RBM38: variants seen among roughly 807,000 people sequenced by gnomAD.
RBM38 encodes the protein RNA-binding protein 38.
In RBM38, 11 loss-of-function variants were observed where a neutral mutation model predicts 23.5. The observed-to-expected ratio is 0.47, with a 90% CI of 0.29 to 0.77. The LOEUF (loss-of-function observed/expected upper bound fraction) is 0.77, where lower values mean the gene tolerates loss of function less well. Ranked by LOEUF, RBM38 falls within the 30% of genes least tolerant of loss-of-function variation. RBM38 has a pLI of 0.08. For synonymous variants in RBM38, 165 were observed against 166.1 expected, an observed-to-expected ratio of 0.99 and a Z score of 0.05; for missense variants, 330 against 351.9, an observed-to-expected ratio of 0.94 and a Z score of 0.50.
intron 3 of RBM38, among the ~76,000 whole-genome samples, chr20:57,401,739 G>A (rs1283138035): frequency 6.6e-6 from 1 of 152,250 alleles, no homozygotes. Flanking sequence ...AGGTCCTGTG[G>A]TGGGAAGGAG....
At chr20:57,406,874 G>A (rs2067390062) in intron 3 of RBM38, among the ~76,000 whole-genome samples, 1 of 152,002 alleles carries the variant, frequency 6.6e-6, no homozygotes, top group African/African-American at 2.4e-5. Context: ...GGCACCTGTA[G>A]TCCCAGCTAC....
rs2067404716 is a variant in RBM38, at chr20:57,407,895, C to T, written c.*49C>T. On this transcript the variant is annotated 3_prime_UTR_variant, in exon 4 of 4. Coordinates refer to ENST00000356208, the MANE Select transcript of RBM38 (RefSeq NM_017495.6). This position sits in a 1 kb window ranked among gnomAD's most constrained non-coding sequence, Gnocchi z 4.0. ...GTGGCATTGTCACCTTCACAGCAGA[C>T]AGAGCTGCCAGGCCATGATGGGCTG... 1 of 1,504,414 alleles carries T rather than the reference C, an allele frequency of 6.6e-7. No individual in the cohort carries two copies. The highest frequency in any genetic ancestry group is 8.9e-7 in the Non-Finnish European group (1 of 1,127,430). The allele number at this position is 1,504,414 out of a possible 1,614,324, so 93.2% of individuals were successfully genotyped here. A position where few individuals can be genotyped will look rare whatever the true frequency, so the allele number is the denominator to read the frequency against.
At chr20:57,396,779 A>G (rs548362048) in intron 3 of RBM38, among the ~76,000 whole-genome samples, 71 of 152,348 alleles carry the variant, frequency 4.7e-4, no homozygotes, top group African/African-American at 1.7e-3. Context: ...CATGAGGACC[A>G]GTATCTGTGA....
At chr20:57,391,950 C>G in intron 1 of RBM38, 132 bp downstream of exon 1, 3 of 522,018 alleles carry the variant, frequency 5.7e-6, no homozygotes, top group Non-Finnish European at 8.3e-6. Context: ...AGCCGGCGCC[C>G]GCACCTGCCG....
intron 3 of RBM38, among the ~76,000 whole-genome samples, chr20:57,399,160 C>T (rs1411369959): frequency 6.6e-6 from 1 of 152,218 alleles, no homozygotes; most frequent in Non-Finnish European, 1.5e-5. Context: ...GCCGGGGAGG[C>T]TCAGGGCCCG....
chr20:57,402,874 G>A (rs1020941357), intron 3 of RBM38, among the ~76,000 whole-genome samples: 1 of 152,260 alleles, frequency 6.6e-6, no homozygotes, highest in Non-Finnish European at 1.5e-5. Context: ...GCCGCCCGGC[G>A]TGGGCACCTG....
chr20:57,398,532 T>A (rs898784690), intron 3 of RBM38, among the ~76,000 whole-genome samples: 1 of 149,604 alleles, frequency 6.7e-6, no homozygotes, highest in Non-Finnish European at 1.5e-5. Flanking sequence ...GGGTGTCTCG[T>A]GGTGGCCCCG....
chr20:57,393,331 CG>C lies in RBM38; in HGVS notation c.416+1del. The C allele has an allele frequency of 6.2e-7, 1 of 1,613,746 alleles. No individual in the cohort carries two copies. The highest frequency in any genetic ancestry group is 1.1e-5 in the South Asian group (1 of 91,080). ...LHPTLIQRTY[G>X]LTPHYIYPPA... ...ACCCCACCTTGATCCAGCGGACTTACGGGTGAGTGGACATGGCTGGCTTGGG... is the reference window on the plus strand; with the variant it reads ...ACCCCACCTTGATCCAGCGGACTTACGGTGAGTGGACATGGCTGGCTTGGG... On this transcript the variant is annotated frameshift_variant and splice_region_variant, in exon 3 of 4. Coordinates refer to ENST00000356208, the MANE Select transcript of RBM38 (RefSeq NM_017495.6). LOFTEE classifies it high-confidence loss of function.
intron 3 of RBM38, among the ~76,000 whole-genome samples, chr20:57,402,330 C>A (rs556505774): frequency 7.9e-5 from 12 of 152,348 alleles, no homozygotes; most frequent in African/African-American, 2.6e-4. Flanking sequence ...CCACTGCGCC[C>A]GCCTGGAGAG....
rs183032351 is a variant in RBM38, at chr20:57,408,220, G to T, written c.*374G>T. 5.6e-4 allele frequency: 205 copies of T among 364,608 alleles called. No homozygotes were observed. Among genetic ancestry groups the T allele is most frequent in the African/African-American group, 3.9e-3 (190 of 48,196 alleles). 22.6% of individuals were successfully genotyped at this position (364,608 alleles called of 1,614,324 possible). On this transcript the variant is annotated 3_prime_UTR_variant, in exon 4 of 4. Transcript: ENST00000356208. ...GGCGGGGTGTCACAGACCCTCTGCAGCCCCTGGCTGCCCTGGACTGTGCAG... is the reference window on the plus strand; with the variant it reads ...GGCGGGGTGTCACAGACCCTCTGCATCCCCTGGCTGCCCTGGACTGTGCAG...
At chr20:57,402,167 A>G (rs2067334992) in intron 3 of RBM38, among the ~76,000 whole-genome samples, 1 of 151,884 alleles carries the variant, frequency 6.6e-6, no homozygotes, top group Admixed American at 6.6e-5. Context: ...GGATGGTCTC[A>G]ATCTCCTGAC....
At position 57,407,183 on chromosome 20, in the gene RBM38, A is replaced by C. The variant is rs973545051; in HGVS notation, c.417-360A>C. On this transcript the variant is annotated intron_variant, in intron 3 of 3. Coordinates refer to ENST00000356208, the MANE Select transcript of RBM38 (RefSeq NM_017495.6). The surrounding 1 kb of genome is among the most constrained non-coding windows in gnomAD (Gnocchi z 4.0). ...CGTACCGGGCCCTGCTCTTGATCGC[A>C]TGCTCCGCCGTCGTGGCTTCAAACT... Among the ~76,000 whole-genome samples, 8 of 152,250 alleles carry C rather than the reference A, an allele frequency of 5.3e-5. No individual in the cohort carries two copies. The highest frequency in any genetic ancestry group is 1.9e-4 in the African/African-American group (8 of 41,526).
intron 3 of RBM38, among the ~76,000 whole-genome samples, chr20:57,405,080 A>C (rs953712225): frequency 1.3e-5 from 2 of 152,168 alleles, no homozygotes; most frequent in Admixed American, 6.5e-5. Context: ...CCCTGTGGCC[A>C]GCTCTGCCTC....
At chr20:57,398,468 G>A (rs2067296590) in intron 3 of RBM38, among the ~76,000 whole-genome samples, 1 of 152,188 alleles carries the variant, frequency 6.6e-6, no homozygotes, top group South Asian at 2.1e-4. Context: ...GGCGGCATGG[G>A]GGCTGGGAGG....
intron 3 of RBM38, among the ~76,000 whole-genome samples, chr20:57,404,910 G>C (rs1246119905): frequency 2.0e-5 from 3 of 152,222 alleles, no homozygotes; most frequent in Non-Finnish European, 2.9e-5. Context: ...CACCAGGGTG[G>C]ACCTGGGTGT....
chr20:57,407,800 T>G lies in RBM38; in HGVS notation c.674T>G (p.Phe225Cys), dbSNP rs746215170. The change falls in exon 4 of 4, where the codon TTC becomes TGC. Residue 225 changes from phenylalanine to cysteine, a missense_variant. By Grantham distance (205) the Phe-to-Cys change is radical (BLOSUM62 -2). This residue lies in a region of RBM38 where 227 missense variants were observed against 216.4 expected (regional missense o/e 1.05). Transcript: ENST00000356208. The surrounding 1 kb of genome is among the most constrained non-coding windows in gnomAD (Gnocchi z 4.0). ...LSAAAPAGTT[F>C]VQYQAPQLQP... ...GCCGCAGCACCCGCGGGCACCACTT[T>G]CGTGCAGTACCAGGCGCCGCAGCTG... is the stretch of plus-strand genomic sequence containing the variant. 6.3e-7 allele frequency: 1 copy of G among 1,598,928 alleles called. No individual in the cohort carries two copies. Among genetic ancestry groups the G allele is most frequent in the South Asian group, 1.1e-5 (1 of 89,446 alleles).
Position 57,407,810 on chromosome 20 carries a change from C to G in RBM38, c.684C>G (p.Tyr228Ter). 3 of 1,588,976 alleles carry G rather than the reference C, an allele frequency of 1.9e-6. No individual in the cohort carries two copies. Among genetic ancestry groups the G allele is most frequent in the Non-Finnish European group, 1.7e-6 (2 of 1,170,532 alleles). Residue 228 changes from tyrosine (Y) to a stop codon, truncating the protein, a stop_gained, in exon 4 of 4, where the codon TAC becomes TAG. Transcript: ENST00000356208. LOFTEE classifies it high-confidence loss of function. The surrounding 1 kb of genome is among the most constrained non-coding windows in gnomAD (Gnocchi z 4.0). ...AAPAGTTFVQ[Y>*]QAPQLQPDRM... Reference sequence around the variant, plus strand: ...CCGCGGGCACCACTTTCGTGCAGTACCAGGCGCCGCAGCTGCAGCCTGACA... The same window carrying G: ...CCGCGGGCACCACTTTCGTGCAGTAGCAGGCGCCGCAGCTGCAGCCTGACA...
At chr20:57,400,047 G>T (rs963089275) in intron 3 of RBM38, 3 of 452,244 alleles carry the variant, frequency 6.6e-6, no homozygotes, top group Non-Finnish European at 1.3e-5. Context: ...TCTCTCTCCC[G>T]CCCACCACGG....
At position 57,398,285 on chromosome 20, in the gene RBM38, C is replaced by CGCAG. The variant is rs1474911815; in HGVS notation, c.416+4952_416+4953insGCAG. Among the ~76,000 whole-genome samples the CGCAG allele has an allele frequency of 3.3e-5, 5 of 152,210 alleles. No homozygotes were observed. The East Asian group carries it at 9.7e-4, about 29-fold the overall frequency. ...GTGTGTGTGTGTGTGTACGCACGCA[C>CGCAG]ACGTGTGCGGGCGTGCTGGGGAAGG... On this transcript the variant is annotated intron_variant, in intron 3 of 3. Transcript: ENST00000356208.
Sources: allele counts gnomAD v4.1 joint callset (sites outside exome capture counted in the v4.1 genomes callset), GRCh38; gene constraint gnomAD v4.1.1; regional missense constraint gnomAD v4.1.1; non-coding constraint Gnocchi (gnomAD v3.1); transcripts MANE v1.5; gene names NCBI Gene and HGNC (gene_info 2026-07-23, HGNC 2026-07-21).